The following CRIM1 variants were observed in gnomAD, a reference collection of about 807,000 sequenced individuals.
CRIM1 encodes the protein cysteine rich transmembrane BMP regulator 1.
In CRIM1, 32 loss-of-function variants were observed where a neutral mutation model predicts 116.4. The ratio of observed to expected loss-of-function variants is 0.27; its 90% CI spans 0.21 to 0.37. The LOEUF (loss-of-function observed/expected upper bound fraction) is 0.37, where lower values mean the gene tolerates loss of function less well. Ranked by LOEUF, CRIM1 falls within the 10% of genes least tolerant of loss-of-function variation. The probability of loss-of-function intolerance (pLI) is 1.00; values close to 1 mark genes in which losing one functional copy is unlikely to be tolerated. For synonymous variants in CRIM1, 590 were observed against 509.2 expected (o/e 1.16, Z -2.13); for missense variants, 1,331 against 1,354.8 (o/e 0.98, Z 0.28).
At chr2:36,542,205 G>C (rs970593607) in intron 14 of CRIM1, among the ~76,000 whole-genome samples, 17 of 152,350 alleles carry the variant, frequency 1.1e-4, no homozygotes, top group Admixed American at 5.9e-4. Context: ...CTCATCAGGA[G>C]AGACCCATGG....
At chr2:36,427,880 T>G (rs1674580647) in intron 2 of CRIM1, among the ~76,000 whole-genome samples, 1 of 152,200 alleles carries the variant, frequency 6.6e-6, no homozygotes. Context: ...GGGGCGAGGC[T>G]CCGCCTGTGT....
At chr2:36,387,589 G>C (rs911820620) in intron 1 of CRIM1, among the ~76,000 whole-genome samples, 1 of 152,180 alleles carries the variant, frequency 6.6e-6, no homozygotes, top group Non-Finnish European at 1.5e-5. Flanking sequence ...GTTAAGGTCT[G>C]TGCCACAAAG....
chr2:36,446,518 C>T (rs1676254530), intron 4 of CRIM1, among the ~76,000 whole-genome samples: 1 of 152,160 alleles, frequency 6.6e-6, no homozygotes, highest in African/African-American at 2.4e-5. Flanking sequence ...TGCTGCCTTT[C>T]TGTCTTGTTT....
chr2:36,402,021 C>G (rs915420164), intron 2 of CRIM1, among the ~76,000 whole-genome samples: 1 of 152,134 alleles, frequency 6.6e-6, no homozygotes, highest in Non-Finnish European at 1.5e-5. Flanking sequence ...GACAGAGGCT[C>G]CCAGCTCTGT....
intron 8 of CRIM1, among the ~76,000 whole-genome samples, chr2:36,505,389 C>T (rs1263174171): frequency 2.7e-5 from 4 of 145,654 alleles, no homozygotes; most frequent in East Asian, 4.1e-4. Flanking sequence ...TTTCTGGTCA[C>T]GAAAACATCA....
intron 1 of CRIM1, among the ~76,000 whole-genome samples, chr2:36,367,040 T>A (rs907236088): frequency 2.0e-5 from 3 of 152,204 alleles, no homozygotes; most frequent in African/African-American, 7.2e-5. Context: ...CTTCCCATAT[T>A]TGGGAGCTTT....
At position 36,442,695 on chromosome 2, in the gene CRIM1, G is replaced by A. The variant is rs1328896722; in HGVS notation, c.829G>A (p.Val277Ile). Residue 277 changes from valine (V) to isoleucine (I), a missense_variant, in exon 4 of 17, where the codon GTC becomes ATC. Physicochemically the swap from Val to Ile is conservative, Grantham distance 29 (BLOSUM62 3). Around this residue, in one of 3 missense-constraint regions of CRIM1, gnomAD observed 690 missense variants for 676.0 expected, o/e 1.02. Transcript: ENST00000280527. ...ACPPDSYETQ[V>I]RLTADGCCTL... ...TCCCCCGGACAGCTATGAAACTCAA[G>A]TCAGACTAACTGCAGATGGTTGCTG... 23 of 1,614,182 alleles carry A rather than the reference G, an allele frequency of 1.4e-5. No homozygotes were observed. Among genetic ancestry groups the A allele is most frequent in the Non-Finnish European group, 1.9e-5 (23 of 1,180,022 alleles).
chr2:36,537,645 CGGCCCAAGTAGCGTGTCA>C, intron 14 of CRIM1, 99 bp downstream of exon 14: 1 of 1,319,444 alleles, frequency 7.6e-7, no homozygotes, highest in Non-Finnish European at 1.0e-6. Context: ...TTCGTTCACA[CGGCCCAAGTAGCGTGTCA>C]GGCCCAGTTA....
intron 13 of CRIM1, among the ~76,000 whole-genome samples, chr2:36,524,869 C>T (rs1460626811): frequency 1.3e-5 from 2 of 151,984 alleles, no homozygotes; most frequent in African/African-American, 4.8e-5. Context: ...CTAGATTATA[C>T]ATTCTTCATT....
At chr2:36,491,323 G>T (rs539737030) in intron 7 of CRIM1, among the ~76,000 whole-genome samples, 3 of 152,216 alleles carry the variant, frequency 2.0e-5, no homozygotes, top group African/African-American at 7.2e-5. Context: ...TGGACGGCTT[G>T]GATTTGGGGA....
chr2:36,471,152 G>C (rs924714314), intron 5 of CRIM1, among the ~76,000 whole-genome samples: 6 of 152,216 alleles, frequency 3.9e-5, no homozygotes, highest in African/African-American at 1.2e-4. Flanking sequence ...AAAGAAAGTA[G>C]TTTCTTGAGA....
intron 4 of CRIM1, 125 bp downstream of exon 4, chr2:36,442,860 C>T: frequency 8.8e-7 from 1 of 1,134,564 alleles, no homozygotes; most frequent in East Asian, 2.4e-5. Context: ...TGGAAGAAAT[C>T]ACTGAACTGT....
intron 2 of CRIM1, among the ~76,000 whole-genome samples, chr2:36,397,525 G>A (rs972101744): frequency 4.6e-5 from 7 of 152,026 alleles, no homozygotes; most frequent in East Asian, 1.9e-4. Flanking sequence ...TTAAACTCTC[G>A]TAGCCCCAGT....
rs1572795912 is a variant in CRIM1, at chr2:36,464,771, G to A, written c.991+116G>A. 13 of 1,221,894 alleles carry A rather than the reference G, an allele frequency of 1.1e-5. No homozygotes were observed. The East Asian group carries it at 2.4e-4, about 22-fold the overall frequency. The allele number at this position is 1,221,894 out of a possible 1,614,324, so 75.7% of individuals were successfully genotyped here. ...AAGCAGGGATTACCTTCAGGGGCTT[G>A]CTGAAGGGCACTCAAAAAGGTTTGC... is the stretch of plus-strand genomic sequence containing the variant. On this transcript the variant is annotated intron_variant, in intron 5 of 16. Transcript: ENST00000280527.
At chr2:36,455,043 C>T (rs1366212920) in intron 4 of CRIM1, among the ~76,000 whole-genome samples, 1 of 152,084 alleles carries the variant, frequency 6.6e-6, no homozygotes, top group Non-Finnish European at 1.5e-5. Flanking sequence ...GAAAAGGAAA[C>T]GATCTGGGGA....
At position 36,389,603 on chromosome 2, in the gene CRIM1, A is replaced by G. The variant is rs150519495; in HGVS notation, c.332-7011A>G. Among the ~76,000 whole-genome samples the G allele has an allele frequency of 3.3e-3, 506 of 152,324 alleles. 6 individuals are homozygous for G. The Middle Eastern group carries it at 0.071, about 22-fold the overall frequency. On this transcript the variant is annotated intron_variant, in intron 1 of 16. Transcript: ENST00000280527. ...TCTGGTAAGTGGATTGCCATATAATAGGATGCAGCCATCTCTTGGTTTGGA... is the reference window on the plus strand; with the variant it reads ...TCTGGTAAGTGGATTGCCATATAATGGGATGCAGCCATCTCTTGGTTTGGA...
chr2:36,468,360 C>T (rs1290492796), intron 5 of CRIM1, among the ~76,000 whole-genome samples: 2 of 152,150 alleles, frequency 1.3e-5, no homozygotes, highest in African/African-American at 2.4e-5. Flanking sequence ...GAGCATCCTC[C>T]ATAAATATTA....
At chr2:36,539,768 G>T (rs746972338) in intron 14 of CRIM1, among the ~76,000 whole-genome samples, 1 of 152,134 alleles carries the variant, frequency 6.6e-6, no homozygotes. Flanking sequence ...GGATGACTAC[G>T]ACATTTTGGT....
intron 1 of CRIM1, among the ~76,000 whole-genome samples, chr2:36,391,845 A>G (rs1671633511): frequency 1.3e-5 from 2 of 152,166 alleles, no homozygotes; most frequent in Admixed American, 6.5e-5. Context: ...TTTAGTATGA[A>G]TAGAGGTTGT....
Sources: gnomAD v4.1 joint callset for allele counts (sites outside exome capture counted in the v4.1 genomes callset) on GRCh38, gnomAD v4.1.1 for gene constraint, gnomAD v4.1.1 regional missense constraint, MANE v1.5 for transcripts, NCBI Gene and HGNC (gene_info 2026-07-23, HGNC 2026-07-21) for gene names.